JADE2: variants seen among roughly 807,000 people sequenced by gnomAD.
The protein encoded by JADE2 is jade family PHD finger 2.
In JADE2, 13 loss-of-function variants were observed where a neutral mutation model predicts 85.7. That is an observed-to-expected ratio of 0.15 (90% CI 0.10 to 0.24). The LOEUF is 0.24. JADE2 is among the 10% of genes least tolerant of loss of function. The probability of loss-of-function intolerance (pLI) is 1.00; values close to 1 mark genes in which losing one functional copy is unlikely to be tolerated. For missense variants in JADE2, 846 were observed against 1,115.9 expected (o/e 0.76, Z 3.45); for synonymous variants, 440 against 456.1 (o/e 0.96, Z 0.45).
At chr5:134,535,233 G>A (rs1741400851) in intron 1 of JADE2, among the ~76,000 whole-genome samples, 2 of 152,156 alleles carry the variant, frequency 1.3e-5, no homozygotes, top group Non-Finnish European at 2.9e-5. Context: ...TGGGAAGGAT[G>A]GTGGGGAGTA....
In JADE2 at chr5:134,558,964, C is replaced by T. The variant is rs374411241; in HGVS notation, c.312-866C>T. ...TTTGAGTCCACACCCTGCGGGCAGGCCTCTCCAAGCTGCCTCAGCGGCAGA... is the reference window on the plus strand; with the variant it reads ...TTTGAGTCCACACCCTGCGGGCAGGTCTCTCCAAGCTGCCTCAGCGGCAGA... On this transcript the variant is annotated intron_variant, in intron 4 of 11. Coordinates refer to ENST00000681547, the MANE Select transcript of JADE2 (RefSeq NM_001388185.1). Among the ~76,000 whole-genome samples, 4 of 152,250 alleles carry T rather than the reference C, an allele frequency of 2.6e-5. No homozygotes were observed. The East Asian group carries it at 5.8e-4, about 22-fold the overall frequency.
At chr5:134,564,920 A>G (rs1447257209) in intron 8 of JADE2, among the ~76,000 whole-genome samples, 1 of 152,212 alleles carries the variant, frequency 6.6e-6, no homozygotes. Flanking sequence ...CTCACTTCTG[A>G]CATTGAATTT....
At position 134,525,897 on chromosome 5, in the gene JADE2, G is replaced by T. The variant is rs941213652; in HGVS notation, c.-115G>T. The T allele has an allele frequency of 1.0e-4, 99 of 985,494 alleles. No homozygotes were observed. Among genetic ancestry groups the T allele is most frequent in the Non-Finnish European group, 1.1e-4 (94 of 830,356 alleles). The allele number at this position is 985,494 out of a possible 1,614,324, so 61.0% of individuals were successfully genotyped here. On this transcript the variant is annotated 5_prime_UTR_variant, in exon 1 of 12. Coordinates refer to ENST00000681547, the MANE Select transcript of JADE2 (RefSeq NM_001388185.1). Reference sequence around the variant, plus strand: ...GACCCCGGATGGATGCGCGCCCCCCGCCCTCCCGCGCCGGCCCCAGGAGCT... The same window carrying T: ...GACCCCGGATGGATGCGCGCCCCCCTCCCTCCCGCGCCGGCCCCAGGAGCT...
At chr5:134,550,019 C>T (rs1279153448) in intron 3 of JADE2, among the ~76,000 whole-genome samples, 4 of 152,244 alleles carry the variant, frequency 2.6e-5, no homozygotes, top group Admixed American at 1.3e-4. Flanking sequence ...TACTGAAGGG[C>T]CCCCTAAAAG....
At position 134,566,397 on chromosome 5, in the gene JADE2, G is replaced by A. The variant is rs755583646; in HGVS notation, c.1251G>A (p.Leu417=). Reference sequence around the variant, plus strand: ...AGCCGGCTGAGGTGGCTGAGCGGCTGGACCTGGCTGAGGCACTGGTCGACT... The same window carrying A: ...AGCCGGCTGAGGTGGCTGAGCGGCTAGACCTGGCTGAGGCACTGGTCGACT... The part of the protein sequence containing the change: ...LVEPAEVAER[L]DLAEALVDFI... Residue 417 remains leucine (L), a synonymous_variant, in exon 9 of 12, where the codon CTG becomes CTA. Transcript: ENST00000681547. This position sits in a 1 kb window ranked among gnomAD's most constrained non-coding sequence, Gnocchi z 6.7. 1 of 1,614,022 alleles carries A rather than the reference G, an allele frequency of 6.2e-7. No homozygotes were observed. The highest frequency in any genetic ancestry group is 1.1e-5 in the South Asian group (1 of 91,086).
At chr5:134,545,776 C>A (rs1415009964) in intron 3 of JADE2, among the ~76,000 whole-genome samples, 2 of 152,172 alleles carry the variant, frequency 1.3e-5, no homozygotes, top group Non-Finnish European at 2.9e-5. Flanking sequence ...AGGGCAATTA[C>A]CTTTCTCTGT....
At chr5:134,571,351 A>G (rs1033462242) in intron 9 of JADE2, among the ~76,000 whole-genome samples, 6 of 152,240 alleles carry the variant, frequency 3.9e-5, no homozygotes, top group Non-Finnish European at 8.8e-5. Context: ...AATCCCGTAC[A>G]GAAGCCACTG....
In JADE2 at chr5:134,559,952, A is replaced by G. The variant is rs776746894; in HGVS notation, c.434A>G (p.Tyr145Cys). ...SRYDLDEIDAYWLELINSELK... is the reference protein window; with the variant it reads ...SRYDLDEIDACWLELINSELK... ...TATGACTTGGACGAGATTGATGCCT[A>G]CTGGCTGGAGCTCATCAACTCGGAG... The change falls in exon 5 of 12, where the codon TAC (tyrosine) becomes TGC (cysteine). Residue 145 changes from tyrosine (Y) to cysteine (C), a missense_variant. This residue lies in a region of JADE2 where 78 missense variants were observed against 64.9 expected (regional missense o/e 1.20). Coordinates refer to ENST00000681547, the MANE Select transcript of JADE2 (RefSeq NM_001388185.1). 1 of 1,614,138 alleles carries G rather than the reference A, an allele frequency of 6.2e-7. No homozygotes were observed. The highest frequency in any genetic ancestry group is 8.5e-7 in the Non-Finnish European group (1 of 1,179,998).
intron 9 of JADE2, among the ~76,000 whole-genome samples, chr5:134,571,520 A>T (rs979793439): frequency 2.0e-5 from 3 of 152,104 alleles, no homozygotes; most frequent in African/African-American, 7.2e-5. Context: ...AACATGGTGA[A>T]ACCCCATCTC....
chr5:134,558,490 T>A (rs1044389496), intron 4 of JADE2, among the ~76,000 whole-genome samples: 1 of 151,984 alleles, frequency 6.6e-6, no homozygotes, highest in Non-Finnish European at 1.5e-5. Context: ...GCCTAGGTTT[T>A]CTTCTAGGGT....
chr5:134,553,754 G>A (rs180946336), intron 4 of JADE2, among the ~76,000 whole-genome samples: 9 of 152,296 alleles, frequency 5.9e-5, no homozygotes, highest in Admixed American at 3.9e-4. Context: ...TGCTATTACC[G>A]GCCTCTGGGT....
intron 11 of JADE2, chr5:134,577,161 A>G (rs531943150): frequency 7.5e-5 from 29 of 386,230 alleles, no homozygotes; most frequent in Non-Finnish European, 1.3e-4. Flanking sequence ...CTGTCCAGTC[A>G]TTCCCCTGGC....
At chr5:134,550,782 G>T (rs990567177) in intron 3 of JADE2, among the ~76,000 whole-genome samples, 8 of 152,192 alleles carry the variant, frequency 5.3e-5, no homozygotes, top group African/African-American at 1.9e-4. Flanking sequence ...GGAACTGGGG[G>T]TGGAGGTGGG....
At chr5:134,542,700 C>A (rs563759581) in intron 3 of JADE2, among the ~76,000 whole-genome samples, 1 of 151,934 alleles carries the variant, frequency 6.6e-6, no homozygotes, top group Admixed American at 6.6e-5. Flanking sequence ...CCTCGGCCCC[C>A]CAGAGTGCTG....
intron 3 of JADE2, among the ~76,000 whole-genome samples, chr5:134,550,357 C>T (rs983049360): frequency 3.9e-5 from 6 of 152,180 alleles, no homozygotes; most frequent in African/African-American, 1.2e-4. Flanking sequence ...CCAGTGTTCT[C>T]CTTGTGGTTT....
chr5:134,578,613 C>T lies in JADE2; in HGVS notation c.1801C>T (p.Arg601Cys), dbSNP rs774450071. 17 of 1,614,138 alleles carry T rather than the reference C, an allele frequency of 1.1e-5. No individual in the cohort carries two copies. Among genetic ancestry groups the T allele is most frequent in the South Asian group, 3.3e-5 (3 of 91,082 alleles). The change falls in exon 12 of 12, where the codon CGC becomes TGC. Residue 601 changes from arginine to cysteine, a missense_variant. Around this residue, in one of 9 missense-constraint regions of JADE2, gnomAD observed 119 missense variants for 163.9 expected, o/e 0.73. Coordinates refer to ENST00000681547, the MANE Select transcript of JADE2 (RefSeq NM_001388185.1). The surrounding 1 kb of genome is among the most constrained non-coding windows in gnomAD (Gnocchi z 4.4). ...MSEWPLNNGH[R>C]EDPAPGLLSE... ...CGAGTGGCCACTGAACAATGGGCAC[C>T]GCGAGGACCCTGCTCCAGGGCTGCT... is the stretch of plus-strand genomic sequence containing the variant.
At chr5:134,574,025 T>C (rs1048419674) in intron 10 of JADE2, 17 of 551,962 alleles carry the variant, frequency 3.1e-5, no homozygotes, top group African/African-American at 2.1e-4. Context: ...TCTGGTTGAC[T>C]AGGCCACAGC....
Position 134,562,149 on chromosome 5 carries a change from G to C in JADE2, c.685-51G>C. ...ACCAAATGCAGCTGACTGCTGACCA[G>C]ACACAGATTGGCCAGTTCCGCTGAC... On this transcript the variant is annotated intron_variant, in intron 6 of 11. Transcript: ENST00000681547. This position sits in a 1 kb window ranked among gnomAD's most constrained non-coding sequence, Gnocchi z 4.6. 6.5e-7 allele frequency: 1 copy of C among 1,544,466 alleles called. No individual in the cohort carries two copies. The highest frequency in any genetic ancestry group is 1.4e-5 in the African/African-American group (1 of 73,880).
chr5:134,554,853 C>G (rs1041414278), intron 4 of JADE2, among the ~76,000 whole-genome samples: 1 of 152,200 alleles, frequency 6.6e-6, no homozygotes, highest in Admixed American at 6.5e-5. Flanking sequence ...GTTAGAGAAA[C>G]CCTGTTCTTG....
Sources: allele counts gnomAD v4.1 joint callset (sites outside exome capture counted in the v4.1 genomes callset), GRCh38; gene constraint gnomAD v4.1.1; regional missense constraint gnomAD v4.1.1; non-coding constraint Gnocchi (gnomAD v3.1); transcripts MANE v1.5; gene names NCBI Gene and HGNC (gene_info 2026-07-23, HGNC 2026-07-21).